Variants in TIMD4 observed in about 807,000 individuals in gnomAD.
The protein encoded by TIMD4 is T-cell immunoglobulin and mucin domain-containing protein 4.
A neutral mutation model predicts 41.2 loss-of-function variants in TIMD4; 31 were observed. The observed-to-expected ratio is 0.75, with a 90% CI of 0.57 to 1.01. The LOEUF is 1.01. Ranked by LOEUF, TIMD4 falls within the 50% of genes least tolerant of loss-of-function variation. The pLI, the probability that TIMD4 is intolerant of heterozygous loss-of-function variation, is 0.00. For synonymous variants in TIMD4, 204 were observed against 177.1 expected (o/e 1.15, Z -1.21); for missense variants, 479 against 472.5 (o/e 1.01, Z -0.13).
intron 5 of TIMD4, among the ~76,000 whole-genome samples, chr5:156,931,527 G>T (rs977331897): frequency 6.6e-6 from 1 of 152,156 alleles, no homozygotes; most frequent in Admixed American, 6.5e-5. Flanking sequence ...TGGGTCCATG[G>T]ATTCACCAAA....
At chr5:156,936,720 C>T (rs911289793) in intron 5 of TIMD4, among the ~76,000 whole-genome samples, 4 of 151,378 alleles carry the variant, frequency 2.6e-5, no homozygotes, top group Admixed American at 6.6e-5. Context: ...AGTTCAAAAC[C>T]AGCCTGGCCC....
chr5:156,928,356 T>A (rs1430362271), intron 5 of TIMD4, among the ~76,000 whole-genome samples: 3 of 150,464 alleles, frequency 2.0e-5, no homozygotes, highest in Non-Finnish European at 4.4e-5. Context: ...GCAGGGATCC[T>A]GGAAAACATC....
intron 1 of TIMD4, among the ~76,000 whole-genome samples, chr5:156,957,302 T>C (rs551444032): frequency 1.3e-5 from 2 of 151,860 alleles, no homozygotes; most frequent in African/African-American, 2.4e-5. Flanking sequence ...TCACCTGAGG[T>C]CAGGAGTTCA....
chr5:156,924,640 T>C (rs1759313112), intron 6 of TIMD4: 1 of 177,256 alleles, frequency 5.6e-6, no homozygotes, highest in Non-Finnish European at 1.2e-5. Context: ...TGAGGATACA[T>C]AGTCGTGGAA....
rs983998189 is a variant in TIMD4 at position 156,921,958 on chromosome 5, C to A, written c.1012+141G>T. ...TTGGGGAGAATGAACTTACCTGTTA[C>A]TTCCCTGGCTGGGATGGGAACAATG... is the stretch of plus-strand genomic sequence containing the variant. On this transcript the variant is annotated intron_variant, in intron 7 of 8. Transcript: ENST00000274532. 213 of 623,474 alleles carry A rather than the reference C, an allele frequency of 3.4e-4. 1 individual carries two copies. The highest frequency in any genetic ancestry group is 1.7e-3 in the Admixed American group (55 of 31,498). 38.6% of individuals were successfully genotyped at this position (623,474 alleles called of 1,614,324 possible).
At chr5:156,947,133 G>T (rs1399249580) in intron 5 of TIMD4, among the ~76,000 whole-genome samples, 1 of 152,042 alleles carries the variant, frequency 6.6e-6, no homozygotes, top group African/African-American at 2.4e-5. Flanking sequence ...AGGAGGCAGA[G>T]GTTGCAGTGA....
In TIMD4 at chr5:156,933,006, AAAAAGAAAAG is replaced by A. The variant is rs10628617; in HGVS notation, c.845-6704_845-6695del. 8.7e-5 allele frequency among the ~76,000 whole-genome samples: 13 copies of A among 150,128 alleles called. No individual in the cohort carries two copies. The South Asian group carries it at 1.7e-3, about 19-fold the overall frequency. ...GCAACCGAGTAAGACTCTGTCTCAA[AAAAAGAAAAG>A]AAAAGAAAAGAAAAGAAAATGGTTT... On this transcript the variant is annotated intron_variant, in intron 5 of 8. Coordinates refer to ENST00000274532, the MANE Select transcript of TIMD4 (RefSeq NM_138379.3).
chr5:156,940,271 A>G lies in TIMD4; in HGVS notation c.844+8145T>C, dbSNP rs1180561509. ...ACTTACACAGTGCTCAATGTCGCCC[A>G]GGCTGGAGTGTAGTGGCGTGATCTC... On this transcript the variant is annotated intron_variant, in intron 5 of 8. Transcript: ENST00000274532. 2.0e-5 allele frequency among the ~76,000 whole-genome samples: 3 copies of G among 152,246 alleles called. No homozygotes were observed. The East Asian group carries it at 5.8e-4, about 29-fold the overall frequency.
At chr5:156,954,919 C>G (rs1046888402) in intron 1 of TIMD4, among the ~76,000 whole-genome samples, 163 bp from the exon 2 acceptor site, 6 of 151,866 alleles carry the variant, frequency 4.0e-5, no homozygotes, top group African/African-American at 1.5e-4. Flanking sequence ...GCTTTGTCAC[C>G]CAGGCTGGAG....
At chr5:156,929,550 G>A (rs563364690) in intron 5 of TIMD4, among the ~76,000 whole-genome samples, 5 of 151,982 alleles carry the variant, frequency 3.3e-5, no homozygotes, top group Admixed American at 2.0e-4. Context: ...CACACACAGA[G>A]AAGGTCATGT....
At chr5:156,949,938 C>G (rs1244283668) in intron 3 of TIMD4, among the ~76,000 whole-genome samples, 1 of 152,162 alleles carries the variant, frequency 6.6e-6, no homozygotes, top group Non-Finnish European at 1.5e-5. Flanking sequence ...CTGCCTCAGC[C>G]TCCCGAGCAG....
chr5:156,954,601 C>T lies in TIMD4; in HGVS notation c.214G>A (p.Asp72Asn), dbSNP rs1561554583. 6.2e-7 allele frequency: 1 copy of T among 1,614,262 alleles called. No homozygotes were observed. Among genetic ancestry groups the T allele is most frequent in the South Asian group, 1.1e-5 (1 of 91,088 alleles). The change falls in exon 2 of 9, where the codon GAT becomes AAT. Residue 72 changes from aspartate (D) to asparagine (N), a missense_variant. Physicochemically the swap from Asp to Asn is conservative, Grantham distance 23 (BLOSUM62 1). Transcript: ENST00000274532. ...SGCKEALIRT[D>N]GMRVTSRKSA... ...TTTCTTGAGGTCACCCTCATTCCAT[C>T]AGTGCGGATGAGCGCCTCCTTGCAA...
At chr5:156,924,700 C>G (rs1337736138) in intron 6 of TIMD4, 1 of 170,276 alleles carries the variant, frequency 5.9e-6, no homozygotes, top group Non-Finnish European at 1.3e-5. Context: ...AGGAATTCAT[C>G]TGAAAATAAA....
intron 5 of TIMD4, among the ~76,000 whole-genome samples, chr5:156,927,793 AAC>A (rs1759375439): frequency 6.6e-6 from 1 of 152,136 alleles, no homozygotes; most frequent in African/African-American, 2.4e-5. Flanking sequence ...TAAGACTGAG[AAC>A]AGGGGAAGGA....
intron 1 of TIMD4, among the ~76,000 whole-genome samples, chr5:156,957,952 A>T (rs1336295502): frequency 6.6e-6 from 1 of 152,214 alleles, no homozygotes; most frequent in African/African-American, 2.4e-5. Context: ...GTACTTTTGC[A>T]TAAAAGGAGG....
intron 1 of TIMD4, among the ~76,000 whole-genome samples, chr5:156,955,650 C>T (rs113700418): frequency 4.0e-5 from 6 of 149,630 alleles, no homozygotes; most frequent in African/African-American, 1.5e-4. Context: ...AGTGAGACTC[C>T]ATCTCAAAAA....
In TIMD4 at chr5:156,954,637, G is replaced by A. The variant is rs1413900900; in HGVS notation, c.178C>T (p.Pro60Ser). 6.8e-6 allele frequency: 11 copies of A among 1,614,112 alleles called. No homozygotes were observed. Among genetic ancestry groups the A allele is most frequent in the African/African-American group, 2.7e-5 (2 of 74,936 alleles). Reference protein sequence around the residue: ...NSMCWGKDQCPYSGCKEALIR... With the variant: ...NSMCWGKDQCSYSGCKEALIR... The stretch of plus-strand genomic sequence containing the variant: ...AGCGCCTCCTTGCAACCGGAGTAGG[G>A]GCACTGGTCTTTCCCCCAGCACATG... Residue 60 changes from proline to serine, a missense_variant, in exon 2 of 9, where the codon CCC becomes TCC. Transcript: ENST00000274532.
chr5:156,943,064 T>A (rs937037522), intron 5 of TIMD4, among the ~76,000 whole-genome samples: 11 of 152,158 alleles, frequency 7.2e-5, no homozygotes, highest in African/African-American at 2.7e-4. Context: ...TTCCCTAGTG[T>A]GATTAGTAGT....
chr5:156,919,531 T>C lies in TIMD4; in HGVS notation c.1063A>G (p.Ile355Val). The C allele has an allele frequency of 2.5e-6, 4 of 1,613,910 alleles. No homozygotes were observed. Among genetic ancestry groups the C allele is most frequent in the Non-Finnish European group, 3.4e-6 (4 of 1,179,860 alleles). ...TTGAGGACATTTTTACTATCTCCAA[T>C]GTAGTCTAGCCTGTAAACAGAAAAG... ...CSQKHTRLDYIGDSKNVLNDV... is the reference protein window; with the variant it reads ...CSQKHTRLDYVGDSKNVLNDV... Residue 355 changes from isoleucine to valine, a missense_variant, in exon 9 of 9, where the codon ATT (isoleucine) becomes GTT (valine). Transcript: ENST00000274532.
Sources: gnomAD v4.1 joint callset for allele counts (sites outside exome capture counted in the v4.1 genomes callset) on GRCh38, gnomAD v4.1.1 for gene constraint, MANE v1.5 for transcripts, NCBI Gene and HGNC (gene_info 2026-07-23, HGNC 2026-07-21) for gene names.